Variants in CALCR observed in about 807,000 individuals in gnomAD.
CALCR encodes the protein calcitonin receptor.
A neutral mutation model predicts 59.5 loss-of-function variants in CALCR; 47 were observed. The ratio of observed to expected loss-of-function variants is 0.79; its 90% CI spans 0.63 to 1.01. CALCR has a LOEUF of 1.01. Among genes scored for constraint, CALCR ranks in the 50% least tolerant of loss-of-function variants. The pLI, the probability that CALCR is intolerant of heterozygous loss-of-function variation, is 0.00. For synonymous variants in CALCR, 213 were observed against 211.3 expected, an observed-to-expected ratio of 1.01 and a Z score of -0.07; for missense variants, 566 against 597.1, an observed-to-expected ratio of 0.95 and a Z score of 0.54.
chr7:93,524,215 G>T (rs1166035019), intron 2 of CALCR, among the ~76,000 whole-genome samples: 1 of 149,878 alleles, frequency 6.7e-6, no homozygotes, highest in South Asian at 2.1e-4. Flanking sequence ...TGTTGCCCAG[G>T]CTGGAGTGCA....
At chr7:93,548,862 G>C (rs933871154) in intron 2 of CALCR, among the ~76,000 whole-genome samples, 1 of 139,060 alleles carries the variant, frequency 7.2e-6, no homozygotes, top group African/African-American at 2.5e-5. Flanking sequence ...GTGTGTGTGT[G>C]TGTGTGTGTG....
At chr7:93,547,538 T>G (rs759968007) in intron 2 of CALCR, among the ~76,000 whole-genome samples, 2 of 152,298 alleles carry the variant, frequency 1.3e-5, no homozygotes, top group East Asian at 3.9e-4. Flanking sequence ...AACAGAGAAT[T>G]TGAAGCAGGC....
chr7:93,520,875 A>G (rs1303470486), intron 2 of CALCR, among the ~76,000 whole-genome samples: 1 of 152,144 alleles, frequency 6.6e-6, no homozygotes, highest in African/African-American at 2.4e-5. Flanking sequence ...TTTTAGATTT[A>G]TACTTTTTAT....
intron 2 of CALCR, among the ~76,000 whole-genome samples, chr7:93,566,290 T>C (rs529929593): frequency 6.6e-6 from 1 of 152,274 alleles, no homozygotes; most frequent in East Asian, 1.9e-4. Flanking sequence ...TACTTAGCTA[T>C]CTGGAATGTA....
chr7:93,464,527 T>C (rs959597501), intron 7 of CALCR, among the ~76,000 whole-genome samples: 21 of 151,888 alleles, frequency 1.4e-4, no homozygotes, highest in African/African-American at 5.1e-4. Context: ...TGAAGTAAAA[T>C]GGATTGCATT....
rs1387022223 is a variant in CALCR, at chr7:93,424,817, C to T, written c.*1539G>A. On this transcript the variant is annotated 3_prime_UTR_variant, in exon 14 of 14. Coordinates refer to ENST00000426151, the MANE Select transcript of CALCR (RefSeq NM_001742.4). ...AAAATACCTTCTTTTCGATCCCCCC[C>T]TTACATTCAGTAAAGGAGACTTAAA... 6.6e-6 allele frequency: 1 copy of T among 152,580 alleles called. No individual in the cohort carries two copies. Among genetic ancestry groups the T allele is most frequent in the Non-Finnish European group, 1.5e-5 (1 of 67,996 alleles). The allele number at this position is 152,580 out of a possible 1,614,324, so 9.5% of individuals were successfully genotyped here.
intron 2 of CALCR, among the ~76,000 whole-genome samples, chr7:93,510,646 T>A (rs1801525471): frequency 6.6e-6 from 1 of 152,034 alleles, no homozygotes; most frequent in Non-Finnish European, 1.5e-5. Flanking sequence ...ATTGGGAGAA[T>A]TGCTTGAGGC....
intron 9 of CALCR, 94 bp from the exon 10 acceptor site, chr7:93,438,364 C>T: frequency 1.1e-6 from 1 of 908,568 alleles, no homozygotes; most frequent in Non-Finnish European, 1.8e-6. Flanking sequence ...TGCAAAAATA[C>T]TGGCAAATTG....
chr7:93,500,643 C>T (rs7805106), intron 2 of CALCR, among the ~76,000 whole-genome samples: 26,936 of 151,918 alleles, frequency 0.18, 5,841 homozygotes, highest in African/African-American at 0.51. Flanking sequence ...AGAGCACTTA[C>T]TGTGTTTATA....
chr7:93,479,423 T>G lies in CALCR; in HGVS notation c.136A>C (p.Lys46Gln). 1 of 1,612,710 alleles carries G rather than the reference T, an allele frequency of 6.2e-7. No homozygotes were observed. Among genetic ancestry groups the G allele is most frequent in the Non-Finnish European group, 8.5e-7 (1 of 1,179,106 alleles). ...TTGTACTGTGCATCCATCATCTTCTTTCGTCCTACGACGTAAAGAAATGGC... is the reference window on the plus strand; with the variant it reads ...TTGTACTGTGCATCCATCATCTTCTGTCGTCCTACGACGTAAAGAAATGGC... The part of the protein sequence containing the change: ...PKPFLYVVGR[K>Q]KMMDAQYKCY... The change falls in exon 4 of 14, where the codon AAG becomes CAG. Residue 46 changes from lysine (K) to glutamine (Q), a missense_variant. Coordinates refer to ENST00000426151, the MANE Select transcript of CALCR (RefSeq NM_001742.4).
chr7:93,443,864 AG>A, intron 8 of CALCR, 107 bp from the exon 9 acceptor site: 2 of 938,036 alleles, frequency 2.1e-6, no homozygotes, highest in Non-Finnish European at 3.3e-6. Context: ...TCAGCTTGCA[AG>A]GCAGTTTCCC....
chr7:93,442,748 T>C (rs1230206961), intron 9 of CALCR, among the ~76,000 whole-genome samples: 1 of 152,082 alleles, frequency 6.6e-6, no homozygotes, highest in East Asian at 1.9e-4. Context: ...GGGGTGGATG[T>C]GGTGAGAGAA....
chr7:93,488,332 T>G lies in CALCR; in HGVS notation c.-26-1325A>C, dbSNP rs1263112135. Among the ~76,000 whole-genome samples, 3 of 151,324 alleles carry G rather than the reference T, an allele frequency of 2.0e-5. No individual in the cohort carries two copies. The East Asian group carries it at 5.8e-4, about 29-fold the overall frequency. On this transcript the variant is annotated intron_variant, in intron 2 of 13. Coordinates refer to ENST00000426151, the MANE Select transcript of CALCR (RefSeq NM_001742.4). ...CCAAAATATAAAACCAATGGCACTA[T>G]GTAGAAACTGCATCAACTGTTGTGC...
intron 11 of CALCR, 39 bp from the exon 12 acceptor site, chr7:93,436,209 A>G (rs1245463310): frequency 4.0e-6 from 6 of 1,517,122 alleles, no homozygotes; most frequent in South Asian, 2.3e-5. Context: ...CATACAGAAA[A>G]GTATCACTTA....
At chr7:93,563,805 C>G (rs2116273614) in intron 2 of CALCR, among the ~76,000 whole-genome samples, 1 of 152,270 alleles carries the variant, frequency 6.6e-6, no homozygotes, top group Admixed American at 6.5e-5. Flanking sequence ...GGAGCTAGAC[C>G]TCCTTGGTTC....
chr7:93,500,281 C>T (rs567864066), intron 2 of CALCR, among the ~76,000 whole-genome samples: 55 of 152,000 alleles, frequency 3.6e-4, no homozygotes, highest in South Asian at 8.3e-4. Flanking sequence ...AATGATAGTT[C>T]ATCCTCTTGC....
At chr7:93,471,755 A>G (rs1446011051) in intron 6 of CALCR, among the ~76,000 whole-genome samples, 1 of 151,800 alleles carries the variant, frequency 6.6e-6, no homozygotes, top group African/African-American at 2.4e-5. Context: ...AAGAAAGATC[A>G]TCTGTTCCCC....
chr7:93,505,341 C>G (rs1208151422), intron 2 of CALCR, among the ~76,000 whole-genome samples: 1 of 152,110 alleles, frequency 6.6e-6, no homozygotes, highest in Non-Finnish European at 1.5e-5. Context: ...TAACTTGGGA[C>G]ATGTGGAAGG....
chr7:93,485,326 A>AT lies in CALCR; in HGVS notation c.51+1604dup, dbSNP rs1235114420. Among the ~76,000 whole-genome samples the AT allele has an allele frequency of 3.3e-5, 5 of 151,594 alleles. No individual in the cohort carries two copies. The East Asian group carries it at 5.9e-4, about 18-fold the overall frequency. On this transcript the variant is annotated intron_variant, in intron 3 of 13. Transcript: ENST00000426151. ...GTCCATGGCTCATGCAAAGATGTGC[A>AT]TTTTTTTCAATATTTAAATTATAGA... is the stretch of plus-strand genomic sequence containing the variant.
Sources: gnomAD v4.1 joint callset for allele counts (sites outside exome capture counted in the v4.1 genomes callset) on GRCh38, gnomAD v4.1.1 for gene constraint, MANE v1.5 for transcripts, NCBI Gene and HGNC (gene_info 2026-07-23, HGNC 2026-07-21) for gene names.